SLC12A6: variants seen among roughly 807,000 people sequenced by gnomAD.
SLC12A6 encodes K-Cl cotransporter 3.
A neutral mutation model predicts 135.3 loss-of-function variants in SLC12A6; 66 were observed. That is an observed-to-expected ratio of 0.49 (90% CI 0.40 to 0.60). The LOEUF (loss-of-function observed/expected upper bound fraction) is 0.60, where lower values mean the gene tolerates loss of function less well. Among genes scored for constraint, SLC12A6 ranks in the 20% least tolerant of loss-of-function variants. SLC12A6 has a pLI of 0.00. For synonymous variants in SLC12A6, 513 were observed against 508.8 expected (o/e 1.01, Z -0.11); for missense variants, 1,058 against 1,452.3 (o/e 0.73, Z 4.41).
chr15:34,255,484 A>T, intron 7 of SLC12A6, 92 bp from the exon 8 acceptor site: 1 of 925,516 alleles, frequency 1.1e-6, no homozygotes, highest in Admixed American at 2.0e-5. Flanking sequence ...ATATATACAT[A>T]AAGGTTAAAT....
rs756601488 is a variant in SLC12A6 at position 34,231,343 on chromosome 15, CAA to C, written c.*2536_*2537del. On this transcript the variant is annotated 3_prime_UTR_variant, in exon 26 of 26. Transcript: ENST00000354181. Reference sequence around the variant, plus strand: ...TGCCATTTCACTCCAGCCTGGGCAACAAGAGCGAAACTACGTCTCGGAAAAAA... The same window carrying C: ...TGCCATTTCACTCCAGCCTGGGCAACGAGCGAAACTACGTCTCGGAAAAAA... The C allele has an allele frequency of 1.2e-4, 17 of 145,876 alleles. No homozygotes were observed. Among genetic ancestry groups the C allele is most frequent in the Admixed American group, 5.5e-4 (8 of 14,456 alleles). 9.0% of individuals were successfully genotyped at this position (145,876 alleles called of 1,614,324 possible). A position where few individuals can be genotyped will look rare whatever the true frequency, so the allele number is the denominator to read the frequency against.
At chr15:34,293,799 T>C (rs1409873054) in intron 2 of SLC12A6, among the ~76,000 whole-genome samples, 2 of 152,226 alleles carry the variant, frequency 1.3e-5, no homozygotes, top group Admixed American at 6.5e-5. Context: ...AGACAAGGTC[T>C]CCCTATGTTG....
chr15:34,335,863 A>ACCCACCAT (rs1456565104), intron 2 of SLC12A6, among the ~76,000 whole-genome samples: 4 of 152,198 alleles, frequency 2.6e-5, no homozygotes, highest in Admixed American at 2.0e-4. Context: ...CATTAGGTCT[A>ACCCACCAT]CCCACCATCA....
At position 34,259,824 on chromosome 15, in the gene SLC12A6, G is replaced by T. The variant is rs545149828; in HGVS notation, c.412-880C>A. ...ATAGAAGTCCTCTTCATTATGTTAAGTGAAATAAGCCAGGCACAGAAAGAT... is the reference window on the plus strand; with the variant it reads ...ATAGAAGTCCTCTTCATTATGTTAATTGAAATAAGCCAGGCACAGAAAGAT... On this transcript the variant is annotated intron_variant, in intron 4 of 25. Transcript: ENST00000354181. Among the ~76,000 whole-genome samples, 18 of 152,332 alleles carry T rather than the reference G, an allele frequency of 1.2e-4. 1 individual carries two copies. The East Asian group carries it at 2.7e-3, about 23-fold the overall frequency.
At chr15:34,317,560 G>A (rs746791850) in intron 2 of SLC12A6, among the ~76,000 whole-genome samples, 10 of 151,226 alleles carry the variant, frequency 6.6e-5, no homozygotes, top group Admixed American at 1.3e-4. Context: ...AAAATTAGCC[G>A]GGCGTGGTGG....
intron 2 of SLC12A6, among the ~76,000 whole-genome samples, chr15:34,302,205 A>G (rs1171181930): frequency 6.6e-6 from 1 of 152,240 alleles, no homozygotes; most frequent in Non-Finnish European, 1.5e-5. Flanking sequence ...AGTAGATTTA[A>G]TAAAGGCCAA....
chr15:34,273,851 TAAAG>T (rs1451238587), intron 3 of SLC12A6, among the ~76,000 whole-genome samples: 1 of 151,990 alleles, frequency 6.6e-6, no homozygotes, highest in Non-Finnish European at 1.5e-5. Flanking sequence ...ACCTATTAGG[TAAAG>T]AAACTATTTT....
At chr15:34,331,717 T>C (rs1409105524) in intron 2 of SLC12A6, among the ~76,000 whole-genome samples, 1 of 152,168 alleles carries the variant, frequency 6.6e-6, no homozygotes, top group South Asian at 2.1e-4. Context: ...AAACAAAATA[T>C]AGTGATATAG....
chr15:34,291,094 T>A (rs1321271637), intron 2 of SLC12A6, among the ~76,000 whole-genome samples: 1 of 152,240 alleles, frequency 6.6e-6, no homozygotes, highest in African/African-American at 2.4e-5. Context: ...CTTTACAATT[T>A]GGTATGTTGT....
chr15:34,283,558 G>A (rs1184647221), intron 2 of SLC12A6, among the ~76,000 whole-genome samples: 1 of 152,036 alleles, frequency 6.6e-6, no homozygotes. Context: ...CAGAGGAACA[G>A]CTGTGAGAAG....
At chr15:34,284,281 T>TTTC (rs1566838470) in intron 2 of SLC12A6, among the ~76,000 whole-genome samples, 1 of 131,872 alleles carries the variant, frequency 7.6e-6, no homozygotes, top group Non-Finnish European at 1.6e-5. Context: ...TCTTTTCTTT[T>TTTC]TTTTTTTTTT....
At chr15:34,261,540 C>T (rs1336257697) in intron 3 of SLC12A6, among the ~76,000 whole-genome samples, 2 of 152,136 alleles carry the variant, frequency 1.3e-5, no homozygotes, top group Admixed American at 6.5e-5. Context: ...TCAAGTTATC[C>T]GCCCACCTCA....
At chr15:34,300,793 CAAAAAAAAAAA>C (rs71763739) in intron 2 of SLC12A6, among the ~76,000 whole-genome samples, 20 of 98,856 alleles carry the variant, frequency 2.0e-4, no homozygotes, top group South Asian at 1.3e-3. Context: ...GACTCCGTCT[CAAAAAAAAAAA>C]AAAAAAAAAA....
chr15:34,298,985 T>A (rs1299586432), intron 2 of SLC12A6, among the ~76,000 whole-genome samples: 2 of 152,212 alleles, frequency 1.3e-5, no homozygotes, highest in African/African-American at 4.8e-5. Flanking sequence ...ATAAATACTT[T>A]GAAAGCTTTC....
At chr15:34,248,882 G>A (rs1480416205) in intron 13 of SLC12A6, among the ~76,000 whole-genome samples, 2 of 152,114 alleles carry the variant, frequency 1.3e-5, no homozygotes, top group African/African-American at 4.8e-5. Flanking sequence ...TTGGCCAGGT[G>A]GGAGTAACCT....
Position 34,229,903 on chromosome 15 carries a change from A to G in SLC12A6, c.*3978T>C. 1 of 994,524 alleles carries G rather than the reference A, an allele frequency of 1.0e-6. No individual in the cohort carries two copies. Among genetic ancestry groups the G allele is most frequent in the Non-Finnish European group, 1.6e-6 (1 of 630,370 alleles). The allele number at this position is 994,524 out of a possible 1,614,324, so 61.6% of individuals were successfully genotyped here. A position where few individuals can be genotyped will look rare whatever the true frequency, so the allele number is the denominator to read the frequency against. ...TAATCACTTATGTTAAAAAGAACCA[A>G]AAGACTCTTTTCTCCATGGTGGGGT... is the stretch of plus-strand genomic sequence containing the variant. On this transcript the variant is annotated 3_prime_UTR_variant, in exon 26 of 26. Transcript: ENST00000354181.
intron 9 of SLC12A6, among the ~76,000 whole-genome samples, chr15:34,252,721 A>C (rs1466308564): frequency 1.3e-5 from 2 of 152,228 alleles, no homozygotes; most frequent in African/African-American, 4.8e-5. Context: ...CAGTGAAGGA[A>C]GTCAAATTGA....
Position 34,233,761 on chromosome 15 carries a change from G to C in SLC12A6, c.*120C>G. The C allele has an allele frequency of 1.4e-6, 1 of 719,458 alleles. No homozygotes were observed. The highest frequency in any genetic ancestry group is 2.6e-6 in the Non-Finnish European group (1 of 385,856). The allele number at this position is 719,458 out of a possible 1,614,324, so 44.6% of individuals were successfully genotyped here. On this transcript the variant is annotated 3_prime_UTR_variant, in exon 26 of 26. Transcript: ENST00000354181. ...TGAGGCTCAGCTCATCAAGAGTTCA[G>C]TATGATGTGTACAGAACACAGGCTT...
chr15:34,239,303 A>C (rs1029166917), intron 19 of SLC12A6, 143 bp from the exon 20 acceptor site: 2 of 705,106 alleles, frequency 2.8e-6, no homozygotes, highest in Non-Finnish European at 5.0e-6. Flanking sequence ...AAAAAGTTAA[A>C]ATTATCCCAA....
Sources: gnomAD v4.1 joint callset for allele counts (sites outside exome capture counted in the v4.1 genomes callset) on GRCh38, gnomAD v4.1.1 for gene constraint, MANE v1.5 for transcripts, NCBI Gene and HGNC (gene_info 2026-07-23, HGNC 2026-07-21) for gene names.